Variants in PEAK1 observed in about 807,000 individuals in gnomAD.
The protein encoded by PEAK1 is pseudopodium enriched atypical kinase 1.
A neutral mutation model predicts 124.7 loss-of-function variants in PEAK1; 54 were observed. The observed-to-expected ratio is 0.43, with a 90% CI of 0.35 to 0.54. The LOEUF is 0.54. Ranked by LOEUF, PEAK1 falls within the 20% of genes least tolerant of loss-of-function variation. The probability of loss-of-function intolerance (pLI) is 0.01; values close to 1 mark genes in which losing one functional copy is unlikely to be tolerated. For missense variants in PEAK1, 2,046 were observed against 2,134.5 expected (o/e 0.96, Z 0.82); for synonymous variants, 719 against 760.0 (o/e 0.95, Z 0.89).
At chr15:77,210,857 T>G (rs1271450153) in intron 6 of PEAK1, among the ~76,000 whole-genome samples, 1 of 152,178 alleles carries the variant, frequency 6.6e-6, no homozygotes, top group Non-Finnish European at 1.5e-5. Flanking sequence ...TCTGGCCTTG[T>G]GTGCTCAGGG....
chr15:77,357,092 C>G (rs1013941589), intron 2 of PEAK1, among the ~76,000 whole-genome samples: 1 of 152,092 alleles, frequency 6.6e-6, no homozygotes, highest in Non-Finnish European at 1.5e-5. Context: ...CGTAAGAGGA[C>G]CCACTCTCTA....
intron 1 of PEAK1, among the ~76,000 whole-genome samples, chr15:77,396,338 A>C (rs544311232): frequency 3.9e-5 from 6 of 152,192 alleles, no homozygotes; most frequent in African/African-American, 1.4e-4. Context: ...AGGAAGACAG[A>C]AAGGAAGGAA....
At chr15:77,312,329 A>G (rs2064524566) in intron 2 of PEAK1, among the ~76,000 whole-genome samples, 1 of 152,228 alleles carries the variant, frequency 6.6e-6, no homozygotes, top group Non-Finnish European at 1.5e-5. Context: ...TATTCTGTAC[A>G]TCATTATTAA....
chr15:77,188,852 A>T (rs2057681994), intron 6 of PEAK1, among the ~76,000 whole-genome samples: 1 of 152,150 alleles, frequency 6.6e-6, no homozygotes. Flanking sequence ...TCACTCAAGA[A>T]TAATTCTAGT....
intron 2 of PEAK1, among the ~76,000 whole-genome samples, chr15:77,303,712 A>G (rs1597199788): frequency 6.6e-6 from 1 of 152,320 alleles, no homozygotes; most frequent in Admixed American, 6.5e-5. Context: ...TTCTTTTAAT[A>G]GAGTATTTCA....
At chr15:77,149,530 CTTG>C (rs2054422817) in intron 8 of PEAK1, among the ~76,000 whole-genome samples, 1 of 152,070 alleles carries the variant, frequency 6.6e-6, no homozygotes. Context: ...ATGCAAATGA[CTTG>C]TTGAACGTAT....
chr15:77,146,597 C>T (rs537787096), intron 8 of PEAK1, among the ~76,000 whole-genome samples: 1 of 152,266 alleles, frequency 6.6e-6, no homozygotes, highest in Non-Finnish European at 1.5e-5. Context: ...AACTTCGGGA[C>T]AGAGTGTATG....
In PEAK1 at chr15:77,372,976, G is replaced by A. The variant is rs546506941; in HGVS notation, c.-665-7751C>T. On this transcript the variant is annotated intron_variant, in intron 1 of 9. Transcript: ENST00000682557. ...AGATGGCCAGCTTCCTATACAACCC[G>A]AGGAACCATGAACCAATTAAACCTC... Among the ~76,000 whole-genome samples the A allele has an allele frequency of 2.5e-3, 384 of 152,190 alleles. 2 individuals are homozygous for A. The highest frequency in any genetic ancestry group is 7.1e-3 in the African/African-American group (294 of 41,540).
At position 77,181,105 on chromosome 15, in the gene PEAK1, G is replaced by T; in HGVS notation, c.822C>A (p.Asn274Lys). ...CAGGAGACAATGTGTTTGCTCTGAA[G>T]TTGGCAAAGCGAGGTTGCCCTCTCA... is the stretch of plus-strand genomic sequence containing the variant. ...IRMRGQPRFANFRANTLSPVR... is the reference protein window; with the variant it reads ...IRMRGQPRFAKFRANTLSPVR... The change falls in exon 7 of 10, where the codon AAC becomes AAA. Residue 274 changes from asparagine (N) to lysine (K), a missense_variant. Transcript: ENST00000682557. The T allele has an allele frequency of 6.2e-7, 1 of 1,614,200 alleles. No homozygotes were observed. The highest frequency in any genetic ancestry group is 2.2e-5 in the East Asian group (1 of 44,872).
Position 77,158,666 on chromosome 15 carries a change from A to T in PEAK1, c.3168T>A (p.Phe1056Leu). 1 of 1,614,126 alleles carries T rather than the reference A, an allele frequency of 6.2e-7. No individual in the cohort carries two copies. The highest frequency in any genetic ancestry group is 1.3e-5 in the African/African-American group (1 of 75,066). The change falls in exon 8 of 10, where the codon TTT becomes TTA. Residue 1056 changes from phenylalanine (F) to leucine (L), a missense_variant. Physicochemically the swap from Phe to Leu is conservative, Grantham distance 22. Coordinates refer to ENST00000682557, the MANE Select transcript of PEAK1 (RefSeq NM_001385026.1). ...CAACAGTTCTTGGATCCCGAGGAGA[A>T]AAATCCTCTGTTACTTCATGGGTCA... ...SHMTHEVTED[F>L]SPRDPRTVVG...
At chr15:77,215,852 G>C (rs1299009698) in intron 6 of PEAK1, among the ~76,000 whole-genome samples, 1 of 152,042 alleles carries the variant, frequency 6.6e-6, no homozygotes, top group East Asian at 1.9e-4. Context: ...ATGGTTTCAT[G>C]TACAAGTTTA....
chr15:77,139,036 T>C (rs1420465762), intron 8 of PEAK1, among the ~76,000 whole-genome samples: 3 of 152,200 alleles, frequency 2.0e-5, no homozygotes, highest in Middle Eastern at 3.4e-3. Context: ...AAATAAAGTC[T>C]TTGTAGATGT....
At chr15:77,345,759 A>G (rs2066836493) in intron 2 of PEAK1, 1 of 344,828 alleles carries the variant, frequency 2.9e-6, no homozygotes, top group Admixed American at 6.5e-5. Context: ...CCCAACACAC[A>G]CAAAAAGATA....
At chr15:77,381,963 G>A (rs1458489854) in intron 1 of PEAK1, among the ~76,000 whole-genome samples, 1 of 152,158 alleles carries the variant, frequency 6.6e-6, no homozygotes, top group Non-Finnish European at 1.5e-5. Context: ...TAATGTCAGG[G>A]TTCTAAGATA....
At chr15:77,376,905 T>C (rs889500852) in intron 1 of PEAK1, among the ~76,000 whole-genome samples, 1 of 152,212 alleles carries the variant, frequency 6.6e-6, no homozygotes, top group Non-Finnish European at 1.5e-5. Context: ...GGATACATTC[T>C]GAGAAATTCA....
intron 2 of PEAK1, among the ~76,000 whole-genome samples, chr15:77,323,482 AC>A (rs2065370457): frequency 6.6e-6 from 1 of 152,206 alleles, no homozygotes; most frequent in African/African-American, 2.4e-5. Context: ...ATTCTTATAC[AC>A]CAATAACAGA....
At chr15:77,354,140 C>T (rs2067360962) in intron 2 of PEAK1, among the ~76,000 whole-genome samples, 1 of 152,182 alleles carries the variant, frequency 6.6e-6, no homozygotes, top group African/African-American at 2.4e-5. Context: ...CTGTACATCT[C>T]CACTCAACTA....
intron 1 of PEAK1, chr15:77,419,640 T>C (rs1479620370): frequency 1.0e-6 from 1 of 984,676 alleles, no homozygotes; most frequent in African/African-American, 1.8e-5. Flanking sequence ...CAGGCTTCAC[T>C]TTCCCCCGCA....
intron 1 of PEAK1, among the ~76,000 whole-genome samples, chr15:77,415,862 T>C (rs2072839914): frequency 4.6e-5 from 7 of 152,272 alleles, no homozygotes; most frequent in South Asian, 4.1e-4. Flanking sequence ...TCTTCTTCAG[T>C]TTCTCCTCTC....
Sources: gnomAD v4.1 joint callset for allele counts (sites outside exome capture counted in the v4.1 genomes callset) on GRCh38, gnomAD v4.1.1 for gene constraint, MANE v1.5 for transcripts, NCBI Gene and HGNC (gene_info 2026-07-23, HGNC 2026-07-21) for gene names.